The following GABRB1 variants were observed in gnomAD, a reference collection of about 807,000 sequenced individuals.
The protein encoded by GABRB1 is gamma-aminobutyric acid type A receptor subunit beta1.
A neutral mutation model predicts 51.6 loss-of-function variants in GABRB1; 17 were observed. The observed-to-expected ratio is 0.33, with a 90% confidence interval of 0.23 to 0.49. The LOEUF is 0.49. Among genes scored for constraint, GABRB1 ranks in the 20% least tolerant of loss-of-function variants. GABRB1 has a pLI of 0.99. For synonymous variants in GABRB1, 247 were observed against 218.9 expected (o/e 1.13, Z -1.14); for missense variants, 410 against 600.6 (o/e 0.68, Z 3.32).
At chr4:47,175,092 G>A (rs202114496) in intron 4 of GABRB1, among the ~76,000 whole-genome samples, 2 of 112,966 alleles carry the variant, frequency 1.8e-5, no homozygotes, top group Non-Finnish European at 3.5e-5. Flanking sequence ...TCCCTTGTTT[G>A]TTTCCTTCCT....
At chr4:47,005,049 C>A (rs549350446) in intron 1 of GABRB1, among the ~76,000 whole-genome samples, 1 of 152,128 alleles carries the variant, frequency 6.6e-6, no homozygotes, top group Non-Finnish European at 1.5e-5. Flanking sequence ...AGGGGGAGGC[C>A]AGACACACCT....
chr4:47,236,503 T>C (rs893708298), intron 4 of GABRB1, among the ~76,000 whole-genome samples: 1 of 152,186 alleles, frequency 6.6e-6, no homozygotes, highest in African/African-American at 2.4e-5. Flanking sequence ...CAGATAATAC[T>C]GGTGAAGAAA....
At chr4:47,002,810 C>G (rs1724269626) in intron 1 of GABRB1, among the ~76,000 whole-genome samples, 1 of 152,122 alleles carries the variant, frequency 6.6e-6, no homozygotes, top group Non-Finnish European at 1.5e-5. Flanking sequence ...TCATTACCAT[C>G]TGGTGGCTAC....
chr4:47,036,448 T>G (rs1196231364), intron 3 of GABRB1, among the ~76,000 whole-genome samples: 2 of 152,130 alleles, frequency 1.3e-5, no homozygotes, highest in Non-Finnish European at 2.9e-5. Flanking sequence ...AAATGCAAAT[T>G]CCAAATCAGA....
intron 4 of GABRB1, among the ~76,000 whole-genome samples, chr4:47,224,094 A>G (rs745920528): frequency 6.6e-6 from 1 of 152,090 alleles, no homozygotes; most frequent in African/African-American, 2.4e-5. Context: ...AAAACATTGA[A>G]CTTTACCTGA....
At chr4:47,240,846 T>C (rs1430531491) in intron 4 of GABRB1, among the ~76,000 whole-genome samples, 1 of 152,178 alleles carries the variant, frequency 6.6e-6, no homozygotes, top group Non-Finnish European at 1.5e-5. Flanking sequence ...GCCTTTATTA[T>C]TTTAACTGTT....
At chr4:47,186,212 T>G in intron 4 of GABRB1, among the ~76,000 whole-genome samples, 1 of 147,952 alleles carries the variant, frequency 6.8e-6, no homozygotes. Flanking sequence ...AAGGCATGAA[T>G]TGGTGGGGGG....
chr4:47,008,588 G>A (rs1300671393), intron 1 of GABRB1, among the ~76,000 whole-genome samples: 9 of 149,772 alleles, frequency 6.0e-5, no homozygotes, highest in Middle Eastern at 3.5e-3. Context: ...TCAGCCTCCC[G>A]GGTAGCTGGG....
chr4:47,344,968 C>A (rs2109991217), intron 5 of GABRB1, among the ~76,000 whole-genome samples: 1 of 152,208 alleles, frequency 6.6e-6, no homozygotes, highest in African/African-American at 2.4e-5. Flanking sequence ...GGTGATCCGC[C>A]TGCCTCAGCC....
rs1292986227 is a variant in GABRB1, at chr4:47,425,853, G to T, written c.1260G>T (p.Arg420=). The T allele has an allele frequency of 1.2e-6, 2 of 1,614,074 alleles. No individual in the cohort carries two copies. The highest frequency in any genetic ancestry group is 1.7e-6 in the Non-Finnish European group (2 of 1,180,010). Residue 420 remains arginine (R), a synonymous_variant, in exon 9 of 9, where the codon CGG becomes CGT. Coordinates refer to ENST00000295454, the MANE Select transcript of GABRB1 (RefSeq NM_000812.4). ...AGGCCTACGGGCGCGCCCTGGACCG[G>T]CACGGGGTACCCAGCAAGGGGCGCA... The part of the protein sequence containing the change: ...SREAYGRALD[R]HGVPSKGRIR...
At chr4:47,102,547 T>A (rs945952751) in intron 3 of GABRB1, among the ~76,000 whole-genome samples, 1 of 151,974 alleles carries the variant, frequency 6.6e-6, no homozygotes, top group Non-Finnish European at 1.5e-5. Context: ...CAGGGTTAGA[T>A]TCCAGAGAAA....
chr4:47,382,897 A>G (rs1560361494), intron 5 of GABRB1, among the ~76,000 whole-genome samples: 1 of 152,240 alleles, frequency 6.6e-6, no homozygotes, highest in African/African-American at 2.4e-5. Flanking sequence ...AATCAATTCT[A>G]GCAAAACCAA....
intron 4 of GABRB1, among the ~76,000 whole-genome samples, chr4:47,252,299 G>T (rs1268809362): frequency 1.3e-5 from 2 of 151,938 alleles, no homozygotes; most frequent in Admixed American, 6.6e-5. Context: ...TCTCCAGTGG[G>T]GGGTGTTTGT....
intron 4 of GABRB1, among the ~76,000 whole-genome samples, chr4:47,309,398 C>G (rs1236577869): frequency 6.6e-6 from 1 of 151,994 alleles, no homozygotes; most frequent in African/African-American, 2.4e-5. Flanking sequence ...TGCTGTGTAG[C>G]TAATTAGCTG....
At chr4:47,226,511 T>C (rs1468943052) in intron 4 of GABRB1, among the ~76,000 whole-genome samples, 1 of 152,092 alleles carries the variant, frequency 6.6e-6, no homozygotes, top group African/African-American at 2.4e-5. Flanking sequence ...CAAGAAATCA[T>C]CCCTGTTTTA....
chr4:47,036,704 G>T (rs191269701), intron 3 of GABRB1, among the ~76,000 whole-genome samples: 1 of 152,084 alleles, frequency 6.6e-6, no homozygotes, highest in Non-Finnish European at 1.5e-5. Flanking sequence ...TCTACCAAAA[G>T]TATACAAATT....
At chr4:47,355,415 C>T (rs549210772) in intron 5 of GABRB1, among the ~76,000 whole-genome samples, 2 of 152,180 alleles carry the variant, frequency 1.3e-5, no homozygotes, top group Non-Finnish European at 2.9e-5. Context: ...TTCTATGCTT[C>T]CACTGTGCCT....
At chr4:47,246,099 T>C (rs1300522096) in intron 4 of GABRB1, among the ~76,000 whole-genome samples, 2 of 149,282 alleles carry the variant, frequency 1.3e-5, no homozygotes, top group African/African-American at 4.9e-5. Context: ...CCACAGTCCA[T>C]TGTATCATTC....
chr4:47,368,234 G>C (rs190720133), intron 5 of GABRB1, among the ~76,000 whole-genome samples: 1 of 152,122 alleles, frequency 6.6e-6, no homozygotes, highest in Non-Finnish European at 1.5e-5. Context: ...TCCTCAAATT[G>C]AAGGGTGTCA....
Sources: gnomAD v4.1 joint callset for allele counts (sites outside exome capture counted in the v4.1 genomes callset) on GRCh38, gnomAD v4.1.1 for gene constraint, MANE v1.5 for transcripts, NCBI Gene and HGNC (gene_info 2026-07-23, HGNC 2026-07-21) for gene names.